The following PAK4 variants were observed in gnomAD, a reference collection of about 807,000 sequenced individuals.
PAK4 encodes the protein p21 (RAC1) activated kinase 4.
A neutral mutation model predicts 53.5 loss-of-function variants in PAK4; 49 were observed. That is an observed-to-expected ratio of 0.92 (90% confidence interval 0.73 to 1.16). The LOEUF (loss-of-function observed/expected upper bound fraction) is 1.16. Ranked by LOEUF, PAK4 falls within the 50% of genes most tolerant of loss-of-function variation. PAK4 has a pLI of 0.00. For synonymous variants in PAK4, 376 were observed against 375.6 expected (o/e 1.00, Z -0.01); for missense variants, 824 against 850.7 (o/e 0.97, Z 0.39).
At chr19:39,177,928 G>A (rs1009485164) in intron 8 of PAK4, 119 bp downstream of exon 9, 34 of 1,186,436 alleles carry the variant, frequency 2.9e-5, no homozygotes, top group Non-Finnish European at 3.5e-5. Flanking sequence ...CGCTTACTGT[G>A]TGCTGGGCCC....
intron 7 of PAK4, among the ~76,000 whole-genome samples, chr19:39,177,298 T>G (rs1193615368): frequency 6.6e-6 from 1 of 152,190 alleles, no homozygotes; most frequent in Non-Finnish European, 1.5e-5. Flanking sequence ...TTGGGTAAAG[T>G]CCCCAGGTTG....
rs1365422214 is a variant in PAK4 at position 39,130,426 on chromosome 19, G to T, written c.-23+4507G>T. Among the ~76,000 whole-genome samples, 4 of 152,132 alleles carry T rather than the reference G, an allele frequency of 2.6e-5. No individual in the cohort carries two copies. In the East Asian group the frequency reaches 5.8e-4, roughly 22 times the overall value. ...GGCATGTGGCCCAGCGTGGGGAGTT[G>T]AGGAGGGCTTTCTGGATAAGATGAC... On this transcript the variant is annotated intron_variant, in intron 1 of 8. Coordinates refer to ENST00000358301, the Ensembl canonical transcript of PAK4.
chr19:39,176,505 G>C lies in PAK4; in HGVS notation c.1360-85G>C, dbSNP rs1255636741. 1.4e-5 allele frequency: 22 copies of C among 1,574,632 alleles called. No individual in the cohort carries two copies. The Admixed American group carries it at 3.7e-4, about 26-fold the overall frequency. On this transcript the variant is annotated intron_variant, in intron 6 of 8. Transcript: ENST00000358301. ...CTCTGGGCCGCACATTGTGTCTGAAGCCAAGGAATGACGCAGGCAGACGCC... is the reference window on the plus strand; with the variant it reads ...CTCTGGGCCGCACATTGTGTCTGAACCCAAGGAATGACGCAGGCAGACGCC...
rs575964695 is a variant in PAK4 at position 39,169,945 on chromosome 19, C to T, written c.204+188C>T. Among the ~76,000 whole-genome samples, 3 of 148,308 alleles carry T rather than the reference C, an allele frequency of 2.0e-5. No individual in the cohort carries two copies. The Admixed American group carries it at 2.0e-4, about 10-fold the overall frequency. On this transcript the variant is annotated intron_variant, in intron 2 of 8. Transcript: ENST00000358301. The stretch of plus-strand genomic sequence containing the variant: ...CACCCTCCACCCACTGGCTCCAAGT[C>T]CTAAGAACCCATGCCACCCCAACCT...
rs1425901181 is a variant in PAK4, at chr19:39,173,002, T to TC, written c.291dup (p.Asn98GlnfsTer53). 3.3e-5 allele frequency: 51 copies of TC among 1,549,696 alleles called. No homozygotes were observed. Among genetic ancestry groups the TC allele is most frequent in the Non-Finnish European group, 4.3e-5 (49 of 1,147,050 alleles). ...GTTTGAGAACATGTCGGTGACACGC[T>TC]CCAACTCCCTGCGGAGAGACAGCCC... On this transcript the variant is annotated frameshift_variant, in exon 3 of 9. Coordinates refer to ENST00000358301, the Ensembl canonical transcript of PAK4. LOFTEE classifies it high-confidence loss of function. The surrounding 1 kb of genome is among the most constrained non-coding windows in gnomAD (Gnocchi z 6.9).
At chr19:39,142,049 C>T (rs2073919514) in intron 1 of PAK4, among the ~76,000 whole-genome samples, 1 of 152,162 alleles carries the variant, frequency 6.6e-6, no homozygotes, top group African/African-American at 2.4e-5. Context: ...GATCAGAGCT[C>T]ACGTGCAGCC....
chr19:39,128,122 T>C (rs2073625052), intron 1 of PAK4, among the ~76,000 whole-genome samples: 1 of 152,150 alleles, frequency 6.6e-6, no homozygotes, highest in South Asian at 2.1e-4. Flanking sequence ...TCTCCATCAC[T>C]CACAGAGCAT....
chr19:39,140,122 T>C (rs1469942974), intron 1 of PAK4, among the ~76,000 whole-genome samples: 2 of 152,100 alleles, frequency 1.3e-5, no homozygotes, highest in African/African-American at 2.4e-5. Flanking sequence ...CCTTCTCTGT[T>C]TCACCTCTGT....
chr19:39,135,570 A>G (rs1477148890), intron 1 of PAK4, among the ~76,000 whole-genome samples: 2 of 151,914 alleles, frequency 1.3e-5, no homozygotes, highest in Admixed American at 1.3e-4. Context: ...CCTGACTTCA[A>G]GGGATCCACC....
At chr19:39,142,548 G>A (rs1167330878) in intron 1 of PAK4, among the ~76,000 whole-genome samples, 1 of 152,128 alleles carries the variant, frequency 6.6e-6, no homozygotes, top group African/African-American at 2.4e-5. Flanking sequence ...CTGAGGCTCG[G>A]GTCCCCCCTT....
At position 39,173,122 on chromosome 19, in the gene PAK4, C is replaced by T. The variant is rs200644444; in HGVS notation, c.409C>T (p.Arg137Trp). The T allele has an allele frequency of 1.3e-4, 204 of 1,547,006 alleles. No homozygotes were observed. In the East Asian group the frequency reaches 3.7e-3, roughly 28 times the overall value. The change falls in exon 3 of 9, where the codon CGG becomes TGG. Residue 137 changes from arginine to tryptophan, a missense_variant. Physicochemically the swap from Arg to Trp is moderately radical, Grantham distance 101. Transcript: ENST00000358301. This position sits in a 1 kb window ranked among gnomAD's most constrained non-coding sequence, Gnocchi z 6.9. ...CCCAGGGAAGGCAGGCAGCCGAGGC[C>T]GGTTCGCCGGTCACAGCGAGGCGGG...
chr19:39,182,317 C>T (rs2074707249), downstream of PAK4: 1 of 152,242 alleles, frequency 6.6e-6, no homozygotes, highest in South Asian at 2.1e-4. Context: ...CGCAGCCTCA[C>T]CCAGAGGCAA....
intron 1 of PAK4, among the ~76,000 whole-genome samples, chr19:39,148,957 G>T (rs1335283511): frequency 6.6e-6 from 1 of 152,072 alleles, no homozygotes; most frequent in Non-Finnish European, 1.5e-5. Flanking sequence ...TCTTTCACAA[G>T]AATCAGTTAC....
intron 1 of PAK4, among the ~76,000 whole-genome samples, chr19:39,158,283 G>A (rs1277870339): frequency 6.6e-6 from 1 of 152,052 alleles, no homozygotes; most frequent in African/African-American, 2.4e-5. Context: ...GGCTTCGCTC[G>A]CTGCTGTGTG....
intron 6 of PAK4, among the ~76,000 whole-genome samples, chr19:39,176,207 A>G (rs530238328): frequency 6.6e-6 from 1 of 152,312 alleles, no homozygotes; most frequent in South Asian, 2.1e-4. Context: ...GTGCAGGGCT[A>G]CTTTCTGCTC....
chr19:39,152,238 T>G (rs2074104533), intron 1 of PAK4: 1 of 152,136 alleles, frequency 6.6e-6, no homozygotes, highest in Non-Finnish European at 1.5e-5. Flanking sequence ...AGCCTCGTGA[T>G]GAAATCTTGA....
downstream of PAK4, chr19:39,180,316 T>A (rs1293336030): frequency 6.7e-6 from 1 of 148,784 alleles, no homozygotes; most frequent in Non-Finnish European, 1.5e-5. Flanking sequence ...GATGCCTTTC[T>A]GGAAAAAAAA....
intron 7 of PAK4, 85 bp downstream of exon 8, chr19:39,176,800 C>G: frequency 6.6e-7 from 1 of 1,520,022 alleles, no homozygotes. Flanking sequence ...GAGATGGGGC[C>G]CAGTCTGGGG....
In PAK4 at chr19:39,178,731, C is replaced by T; in HGVS notation, c.*152C>T. Reference sequence around the variant, plus strand: ...GCTGGGGGTAGATGAGACCCTACTACTGAACTCCAGTTTTGATCTCGTGAC... The same window carrying T: ...GCTGGGGGTAGATGAGACCCTACTATTGAACTCCAGTTTTGATCTCGTGAC... On this transcript the variant is annotated 3_prime_UTR_variant, in exon 9 of 9. Transcript: ENST00000358301. This position sits in a 1 kb window ranked among gnomAD's most constrained non-coding sequence, Gnocchi z 4.4. The T allele has an allele frequency of 1.6e-6, 1 of 623,500 alleles. No homozygotes were observed. Among genetic ancestry groups the T allele is most frequent in the Non-Finnish European group, 2.7e-6 (1 of 370,768 alleles). 38.6% of individuals were successfully genotyped at this position (623,500 alleles called of 1,614,324 possible).
Sources: gnomAD v4.1 joint callset for allele counts (sites outside exome capture counted in the v4.1 genomes callset) on GRCh38, gnomAD v4.1.1 for gene constraint, Gnocchi (gnomAD v3.1) non-coding constraint, MANE v1.5 for transcripts, NCBI Gene and HGNC (gene_info 2026-07-23, HGNC 2026-07-21) for gene names.